Variants in WASHC5 observed in about 807,000 individuals in gnomAD.
WASHC5 encodes the protein WASH complex subunit strumpellin.
In WASHC5, 101 loss-of-function variants were observed where a neutral mutation model predicts 150.4. The ratio of observed to expected loss-of-function variants is 0.67; its 90% confidence interval spans 0.57 to 0.79. WASHC5 has a LOEUF of 0.79. WASHC5 is among the 30% of genes least tolerant of loss of function. The pLI is 0.00. For synonymous variants in WASHC5, 467 were observed against 491.2 expected, an observed-to-expected ratio of 0.95 and a Z score of 0.65; for missense variants, 1,195 against 1,396.3, an observed-to-expected ratio of 0.86 and a Z score of 2.30.
intron 6 of WASHC5, among the ~76,000 whole-genome samples, chr8:125,078,362 T>C (rs973554923): frequency 3.3e-5 from 5 of 152,192 alleles, no homozygotes; most frequent in Non-Finnish European, 7.4e-5. Context: ...ACTATAATCC[T>C]GTCATCTGCC....
At chr8:125,082,783 T>G in intron 3 of WASHC5, 1 of 376,264 alleles carries the variant, frequency 2.7e-6, no homozygotes, top group South Asian at 4.0e-5. Flanking sequence ...AGAAGTGTAT[T>G]AAGAGACAGA....
chr8:125,054,660 A>G (rs1256951662), intron 17 of WASHC5, among the ~76,000 whole-genome samples: 1 of 152,018 alleles, frequency 6.6e-6, no homozygotes, highest in Non-Finnish European at 1.5e-5. Context: ...TCTCTAAAAA[A>G]TACAAGAAAT....
At chr8:125,059,341 T>C in intron 13 of WASHC5, 35 bp downstream of exon 13, 1 of 1,613,690 alleles carries the variant, frequency 6.2e-7, no homozygotes, top group Non-Finnish European at 8.5e-7. Context: ...CCTAGGGCCT[T>C]TCATCTACAG....
At chr8:125,060,986 T>G in intron 12 of WASHC5, 96 bp downstream of exon 12, 4 of 723,756 alleles carry the variant, frequency 5.5e-6, no homozygotes, top group South Asian at 1.5e-5. Context: ...TCTGATGAAA[T>G]AGTCTCTCAG....
At chr8:125,025,470 A>T (rs879613915) in intron 28 of WASHC5, among the ~76,000 whole-genome samples, 1 of 152,140 alleles carries the variant, frequency 6.6e-6, no homozygotes, top group Non-Finnish European at 1.5e-5. Flanking sequence ...TGGGTGGATC[A>T]TGAGGTCAGG....
intron 26 of WASHC5, among the ~76,000 whole-genome samples, chr8:125,035,951 G>T (rs1283567669): frequency 6.6e-6 from 1 of 152,164 alleles, no homozygotes; most frequent in Admixed American, 6.5e-5. Flanking sequence ...CATTTAGCTG[G>T]ATACAAAGTT....
intron 17 of WASHC5, among the ~76,000 whole-genome samples, chr8:125,055,388 A>G (rs965404109): frequency 1.3e-5 from 2 of 151,540 alleles, no homozygotes; most frequent in African/African-American, 4.9e-5. Flanking sequence ...GCACCACTGC[A>G]CTCCAGCCTG....
At chr8:125,047,116 G>T in intron 20 of WASHC5, 91 bp downstream of exon 20, 1 of 1,503,514 alleles carries the variant, frequency 6.7e-7, no homozygotes, top group Non-Finnish European at 9.2e-7. Context: ...CAGGACCCCC[G>T]TGACTGGAAT....
intron 26 of WASHC5, among the ~76,000 whole-genome samples, chr8:125,034,048 T>TA (rs869288625): frequency 4.9e-5 from 6 of 122,508 alleles, no homozygotes; most frequent in East Asian, 2.3e-4. Context: ...AACTCTGTAA[T>TA]AAAAAAAAAA....
At chr8:125,062,791 G>C (rs748977992) in intron 11 of WASHC5, among the ~76,000 whole-genome samples, 4 of 152,096 alleles carry the variant, frequency 2.6e-5, no homozygotes, top group Admixed American at 1.3e-4. Flanking sequence ...ATCAGAAATA[G>C]ATCTGATAGT....
chr8:125,079,840 A>G (rs892990041), intron 5 of WASHC5, among the ~76,000 whole-genome samples: 3 of 152,214 alleles, frequency 2.0e-5, no homozygotes, highest in Non-Finnish European at 4.4e-5. Flanking sequence ...ATTACTATGT[A>G]TATGTACATG....
chr8:125,079,356 A>G (rs1007589009), intron 5 of WASHC5, among the ~76,000 whole-genome samples: 1 of 150,986 alleles, frequency 6.6e-6, no homozygotes, highest in Non-Finnish European at 1.5e-5. Flanking sequence ...GTGCCTGGCT[A>G]ATTTTTGTAT....
At chr8:125,059,772 G>C (rs570767931) in intron 12 of WASHC5, among the ~76,000 whole-genome samples, 27 of 152,242 alleles carry the variant, frequency 1.8e-4, no homozygotes, top group African/African-American at 6.5e-4. Context: ...CCATGTGTTG[G>C]AATTTGTGTA....
chr8:125,081,471 C>A (rs964280237), intron 5 of WASHC5, among the ~76,000 whole-genome samples, 190 bp downstream of exon 5: 1 of 152,158 alleles, frequency 6.6e-6, no homozygotes, highest in Non-Finnish European at 1.5e-5. Flanking sequence ...CTCCTGACCT[C>A]AGATGATCTG....
chr8:125,036,694 A>C (rs1040587217), intron 26 of WASHC5, among the ~76,000 whole-genome samples: 2 of 143,594 alleles, frequency 1.4e-5, no homozygotes, highest in Non-Finnish European at 2.9e-5. Flanking sequence ...AAATAAAATA[A>C]ATAAATAAGT....
At chr8:125,071,393 G>A (rs1392345004) in intron 9 of WASHC5, among the ~76,000 whole-genome samples, 3 of 152,142 alleles carry the variant, frequency 2.0e-5, no homozygotes, top group East Asian at 1.9e-4. Context: ...AGAAGGTCTC[G>A]GAGGAGACCA....
intron 12 of WASHC5, 68 bp downstream of exon 12, chr8:125,061,014 G>A (rs1816577326): frequency 8.5e-6 from 7 of 824,638 alleles, no homozygotes; most frequent in Non-Finnish European, 6.4e-6. Flanking sequence ...TACAGGAACA[G>A]ACTGCTGGGT....
intron 1 of WASHC5, among the ~76,000 whole-genome samples, chr8:125,086,064 A>G (rs1817412072): frequency 6.6e-6 from 1 of 152,204 alleles, no homozygotes; most frequent in Admixed American, 6.5e-5. Flanking sequence ...CAGCACCTTA[A>G]GTGAAGGGCT....
At chr8:125,039,971 A>T (rs1815839143) in intron 23 of WASHC5, 73 bp from the exon 24 acceptor site, 2 of 954,980 alleles carry the variant, frequency 2.1e-6, no homozygotes, top group Admixed American at 1.9e-5. Flanking sequence ...GGTAAACACA[A>T]AGATGACAAT....
Sources: gnomAD v4.1 joint callset for allele counts (sites outside exome capture counted in the v4.1 genomes callset) on GRCh38, gnomAD v4.1.1 for gene constraint, MANE v1.5 for transcripts, NCBI Gene and HGNC (gene_info 2026-07-23, HGNC 2026-07-21) for gene names.